Variants in ATP2A2 observed in about 807,000 individuals in gnomAD.
ATP2A2 encodes ATPase sarcoplasmic/endoplasmic reticulum Ca2+ transporting 2, also known as sarcoplasmic/endoplasmic reticulum calcium ATPase 2.
A neutral mutation model predicts 109.3 loss-of-function variants in ATP2A2; 14 were observed. The observed-to-expected ratio is 0.13, with a 90% CI of 0.08 to 0.20. ATP2A2 has a LOEUF of 0.20. Among genes scored for constraint, ATP2A2 ranks in the 10% least tolerant of loss-of-function variants. The pLI, the probability that ATP2A2 is intolerant of heterozygous loss-of-function variation, is 1.00. For synonymous variants in ATP2A2, 506 were observed against 490.9 expected, an observed-to-expected ratio of 1.03 and a Z score of -0.41; for missense variants, 657 against 1,321.6, an observed-to-expected ratio of 0.50 and a Z score of 7.80.
At chr12:110,319,622 ATATAC>A (rs1055289882) in intron 5 of ATP2A2, among the ~76,000 whole-genome samples, 102 of 148,588 alleles carry the variant, frequency 6.9e-4, no homozygotes, top group African/African-American at 2.4e-3. Context: ...TATACATAAT[ATATAC>A]TATATTATAT....
chr12:110,321,164 G>C (rs1399118206), intron 5 of ATP2A2, among the ~76,000 whole-genome samples: 2 of 152,354 alleles, frequency 1.3e-5, no homozygotes, highest in Admixed American at 1.3e-4. Flanking sequence ...GGAGGTGGAG[G>C]TTGCAGTGAG....
At chr12:110,293,508 T>A (rs1159651687) in intron 4 of ATP2A2, among the ~76,000 whole-genome samples, 1 of 150,006 alleles carries the variant, frequency 6.7e-6, no homozygotes, top group East Asian at 2.0e-4. Flanking sequence ...AATTCTCCTG[T>A]CTCACCCTCC....
intron 5 of ATP2A2, among the ~76,000 whole-genome samples, chr12:110,317,486 C>A (rs1876792881): frequency 6.6e-6 from 1 of 152,106 alleles, no homozygotes; most frequent in Admixed American, 6.5e-5. Context: ...TCTCAGCTCA[C>A]TGCAACCTCA....
Position 110,327,544 on chromosome 12 carries a change from C to A in ATP2A2, c.631-9C>A. ...TCATCTTGTGACCAGTTCTCTACTT[C>A]TGTCCTAGGGTACAAACATTGCTGC... On this transcript the variant is annotated splice_polypyrimidine_tract_variant and intron_variant, in intron 7 of 19. Coordinates refer to ENST00000539276, the MANE Select transcript of ATP2A2 (RefSeq NM_170665.4). This position sits in a 1 kb window ranked among gnomAD's most constrained non-coding sequence, Gnocchi z 4.4. The A allele has an allele frequency of 6.2e-7, 1 of 1,612,628 alleles. No homozygotes were observed. The highest frequency in any genetic ancestry group is 8.5e-7 in the Non-Finnish European group (1 of 1,178,642).
In ATP2A2 at chr12:110,350,261, G is replaced by T; in HGVS notation, c.*3791G>T. The T allele has an allele frequency of 6.2e-7, 1 of 1,614,170 alleles. No homozygotes were observed. Among genetic ancestry groups the T allele is most frequent in the Non-Finnish European group, 8.5e-7 (1 of 1,180,044 alleles). ...CTAACGTTTCCTCTCTGTATTTCAT[G>T]AAGCTGATTTCCTCTCTCTTTCCTT... On this transcript the variant is annotated 3_prime_UTR_variant, in exon 20 of 20. Transcript: ENST00000539276.
chr12:110,312,990 G>A (rs1482023248), intron 5 of ATP2A2, among the ~76,000 whole-genome samples: 3 of 152,040 alleles, frequency 2.0e-5, no homozygotes, highest in African/African-American at 7.2e-5. Flanking sequence ...GAGCAAAATA[G>A]TCTAAAACAA....
intron 18 of ATP2A2, 112 bp from the exon 19 acceptor site, chr12:110,345,889 G>A: frequency 2.9e-6 from 3 of 1,047,444 alleles, no homozygotes; most frequent in Non-Finnish European, 4.5e-6. Context: ...GTCAGCGGAT[G>A]GTGCCACATT....
chr12:110,349,892 A>C lies in ATP2A2; in HGVS notation c.*3422A>C. The C allele has an allele frequency of 9.4e-7, 1 of 1,068,308 alleles. No homozygotes were observed. Among genetic ancestry groups the C allele is most frequent in the Non-Finnish European group, 1.1e-6 (1 of 880,918 alleles). 66.2% of individuals were successfully genotyped at this position (1,068,308 alleles called of 1,614,324 possible). ...GCGAGCAGCCAGAAGCCGGGTGCCC[A>C]CAGGGCAGGGACAGGAAGGCTGTGC... On this transcript the variant is annotated 3_prime_UTR_variant, in exon 20 of 20. Coordinates refer to ENST00000539276, the MANE Select transcript of ATP2A2 (RefSeq NM_170665.4).
intron 18 of ATP2A2, 175 bp downstream of exon 18, chr12:110,345,557 G>A: frequency 1.0e-6 from 1 of 1,000,738 alleles, no homozygotes; most frequent in Non-Finnish European, 1.5e-6. Context: ...CCAGGAAGTA[G>A]TGGGAGTGCT....
Position 110,340,476 on chromosome 12 carries a change from C to CGCAGTGA in ATP2A2, c.1762-180_1762-174dup. Reference sequence around the variant, plus strand: ...TCTCTTGAACCTGGGAGGCGGAGGTCGCAGTGAGCTGAGATTGCGCCATGG... The same window carrying CGCAGTGA: ...TCTCTTGAACCTGGGAGGCGGAGGTCGCAGTGAGCAGTGAGCTGAGATTGCGCCATGG... On this transcript the variant is annotated intron_variant, in intron 13 of 19. Transcript: ENST00000539276. The surrounding 1 kb of genome is among the most constrained non-coding windows in gnomAD (Gnocchi z 6.0). 6.7e-6 allele frequency among the ~76,000 whole-genome samples: 1 copy of CGCAGTGA among 150,200 alleles called. No homozygotes were observed. The highest frequency in any genetic ancestry group is 1.5e-5 in the Non-Finnish European group (1 of 67,752).
chr12:110,299,363 G>T (rs908586495), intron 5 of ATP2A2, among the ~76,000 whole-genome samples: 1 of 152,152 alleles, frequency 6.6e-6, no homozygotes, highest in Non-Finnish European at 1.5e-5. Flanking sequence ...TGAAGATATA[G>T]GGAGGCTATT....
Position 110,342,424 on chromosome 12 carries a change from C to T in ATP2A2, c.2294C>T (p.Ser765Leu). Residue 765 changes from serine to leucine, a missense_variant, in exon 15 of 20, where the codon TCG (serine) becomes TTG (leucine). This residue lies in a region of ATP2A2 where 50 missense variants were observed against 176.9 expected (regional missense o/e 0.28). Coordinates refer to ENST00000539276, the MANE Select transcript of ATP2A2 (RefSeq NM_170665.4). The surrounding 1 kb of genome is among the most constrained non-coding windows in gnomAD (Gnocchi z 4.6). ...AAACAGTTCATCCGCTACCTCATCT[C>T]GTCCAACGTCGGGGAAGTTGTCTGG... ...NMKQFIRYLI[S>L]SNVGEVVCIF... The T allele has an allele frequency of 6.2e-7, 1 of 1,613,822 alleles. No individual in the cohort carries two copies. The highest frequency in any genetic ancestry group is 8.5e-7 in the Non-Finnish European group (1 of 1,180,018).
chr12:110,333,887 T>C, intron 10 of ATP2A2, 125 bp from the exon 11 acceptor site: 1 of 1,267,022 alleles, frequency 7.9e-7, no homozygotes, highest in Non-Finnish European at 1.1e-6. Context: ...CAGAGGAGGA[T>C]AAAAATGGCC....
chr12:110,324,426 ATTT>A (rs1192467015), intron 6 of ATP2A2, among the ~76,000 whole-genome samples: 1 of 146,976 alleles, frequency 6.8e-6, no homozygotes, highest in African/African-American at 2.5e-5. Flanking sequence ...TTTAAAAAAA[ATTT>A]TTTTTTTTTT....
At chr12:110,306,019 A>C (rs1206944193) in intron 5 of ATP2A2, among the ~76,000 whole-genome samples, 1 of 151,822 alleles carries the variant, frequency 6.6e-6, no homozygotes, top group African/African-American at 2.4e-5. Flanking sequence ...AAATTGGCCT[A>C]TTGGTGATAT....
chr12:110,286,829 T>G (rs1316916932), intron 3 of ATP2A2, among the ~76,000 whole-genome samples: 1 of 152,234 alleles, frequency 6.6e-6, no homozygotes, highest in Non-Finnish European at 1.5e-5. Context: ...AAGCACTTTT[T>G]TCTTTCGTTT....
rs1190109388 is a variant in ATP2A2, at chr12:110,347,115, G to A, written c.*645G>A. 5 of 1,142,310 alleles carry A rather than the reference G, an allele frequency of 4.4e-6. No homozygotes were observed. The highest frequency in any genetic ancestry group is 1.9e-5 in the South Asian group (1 of 52,790). The allele number at this position is 1,142,310 out of a possible 1,614,324, so 70.8% of individuals were successfully genotyped here. A position where few individuals can be genotyped will look rare whatever the true frequency, so the allele number is the denominator to read the frequency against. On this transcript the variant is annotated 3_prime_UTR_variant, in exon 20 of 20. Transcript: ENST00000539276. ...TCGTTCTGTTTACATCAGTTTTAAC[G>A]AGAGGTATGCCTGTACTCGCTTGTG... is the stretch of plus-strand genomic sequence containing the variant.
intron 3 of ATP2A2, among the ~76,000 whole-genome samples, chr12:110,290,800 C>T (rs1057151739): frequency 3.9e-5 from 6 of 152,020 alleles, no homozygotes; most frequent in Non-Finnish European, 8.8e-5. Context: ...GAGGTGGTTT[C>T]ACCTTGTTGG....
intron 18 of ATP2A2, 51 bp downstream of exon 18, chr12:110,345,433 AC>A: frequency 6.2e-7 from 1 of 1,611,682 alleles, no homozygotes; most frequent in East Asian, 2.2e-5. Context: ...CTGCCAGGGC[AC>A]CGGGGAATTG....
Sources: gnomAD v4.1 joint callset for allele counts (sites outside exome capture counted in the v4.1 genomes callset) on GRCh38, gnomAD v4.1.1 for gene constraint, gnomAD v4.1.1 regional missense constraint, Gnocchi (gnomAD v3.1) non-coding constraint, MANE v1.5 for transcripts, NCBI Gene and HGNC (gene_info 2026-07-23, HGNC 2026-07-21) for gene names.